Variants in STK10 observed in about 807,000 individuals in gnomAD.
STK10 encodes serine/threonine-protein kinase 10.
A neutral mutation model predicts 113.8 loss-of-function variants in STK10; 78 were observed. The observed-to-expected ratio is 0.69, with a 90% CI of 0.57 to 0.83. The LOEUF is 0.83. Among genes scored for constraint, STK10 ranks in the 40% least tolerant of loss-of-function variants. STK10 has a pLI of 0.00. For synonymous variants in STK10, 465 were observed against 494.7 expected, an observed-to-expected ratio of 0.94 and a Z score of 0.80; for missense variants, 1,109 against 1,280.1, an observed-to-expected ratio of 0.87 and a Z score of 2.04.
chr5:172,134,042 G>A (rs951509769), intron 2 of STK10, among the ~76,000 whole-genome samples: 1 of 152,208 alleles, frequency 6.6e-6, no homozygotes, highest in African/African-American at 2.4e-5. Flanking sequence ...GTGCTCAGAT[G>A]CTGCTGCTGT....
intron 2 of STK10, 119 bp downstream of exon 2, chr5:172,156,505 G>T: frequency 7.6e-7 from 1 of 1,312,556 alleles, no homozygotes; most frequent in Non-Finnish European, 1.0e-6. Context: ...CCATCTCCTT[G>T]CCCTAGCCCT....
At chr5:172,051,946 T>C (rs1767638884) in intron 18 of STK10, among the ~76,000 whole-genome samples, 1 of 152,058 alleles carries the variant, frequency 6.6e-6, no homozygotes. Context: ...AAGAAAGATG[T>C]GGGACTGAGC....
At chr5:172,148,923 C>T (rs770149169) in intron 2 of STK10, among the ~76,000 whole-genome samples, 3 of 152,222 alleles carry the variant, frequency 2.0e-5, no homozygotes, top group Non-Finnish European at 4.4e-5. Flanking sequence ...TGGTGGCTCA[C>T]GCCTATAATC....
At chr5:172,115,042 G>C (rs949215778) in intron 4 of STK10, 7 of 152,194 alleles carry the variant, frequency 4.6e-5, no homozygotes, top group African/African-American at 1.7e-4. Flanking sequence ...GGGCAGGGTA[G>C]GTAGACCGCA....
intron 18 of STK10, 100 bp from the exon 19 acceptor site, chr5:172,045,122 A>G: frequency 6.6e-7 from 1 of 1,513,732 alleles, no homozygotes; most frequent in African/African-American, 1.4e-5. Flanking sequence ...TCTCTGGAAC[A>G]TTCCCTTCCA....
At chr5:172,134,591 T>C (rs188762348) in intron 2 of STK10, among the ~76,000 whole-genome samples, 4 of 152,090 alleles carry the variant, frequency 2.6e-5, no homozygotes, top group Admixed American at 6.5e-5. Context: ...ACATTGAACA[T>C]ATTTGTGCAT....
At chr5:172,112,953 G>A (rs1769272743) in intron 4 of STK10, among the ~76,000 whole-genome samples, 1 of 151,156 alleles carries the variant, frequency 6.6e-6, no homozygotes, top group Non-Finnish European at 1.5e-5. Context: ...TCATCATGTT[G>A]GTCAGGCTGG....
rs1302011624 is a variant in STK10 at position 172,044,806 on chromosome 5, G to C, written c.*76C>G. The C allele has an allele frequency of 3.1e-6, 5 of 1,609,296 alleles. No homozygotes were observed. The South Asian group carries it at 4.4e-5, about 14-fold the overall frequency. The stretch of plus-strand genomic sequence containing the variant: ...AGACGCAAGAGGGAAAAGGGGTCCT[G>C]AGTTACATGTTCACAGAGAATGAAG... On this transcript the variant is annotated 3_prime_UTR_variant, in exon 19 of 19. Transcript: ENST00000176763. The surrounding 1 kb of genome is among the most constrained non-coding windows in gnomAD (Gnocchi z 4.5).
rs1182124529 is a variant in STK10 at position 172,082,226 on chromosome 5, C to G, written c.1989+100G>C. The G allele has an allele frequency of 1.5e-6, 2 of 1,351,516 alleles. No individual in the cohort carries two copies. 83.7% of individuals were successfully genotyped at this position (1,351,516 alleles called of 1,614,324 possible). Reference sequence around the variant, plus strand: ...CCTGCTCCCGAGCTCTTCAGCCGTACCCCTCTGCTGCCAAGGTGAGGTTGA... The same window carrying G: ...CCTGCTCCCGAGCTCTTCAGCCGTAGCCCTCTGCTGCCAAGGTGAGGTTGA... On this transcript the variant is annotated intron_variant, in intron 12 of 18. Transcript: ENST00000176763. This position sits in a 1 kb window ranked among gnomAD's most constrained non-coding sequence, Gnocchi z 4.3.
chr5:172,066,252 C>G (rs1375330042), intron 12 of STK10, among the ~76,000 whole-genome samples: 1 of 152,090 alleles, frequency 6.6e-6, no homozygotes, highest in African/African-American at 2.4e-5. Flanking sequence ...ACTCTGAAAA[C>G]CAAACAAAAG....
Position 172,076,157 on chromosome 5 carries a change from TGTTGTGGGGGCTGTCCTGTGCGTTA to T in STK10, c.1989+6144_1989+6168del, listed in dbSNP as rs1561796996. On this transcript the variant is annotated intron_variant, in intron 12 of 18. Coordinates refer to ENST00000176763, the MANE Select transcript of STK10 (RefSeq NM_005990.4). ...TGTTGTGGGGGCTGTCCTGTGCATT[TGTTGTGGGGGCTGTCCTGTGCGTTA>T]GTTGTGGGGGCTGTCCTGTGCATTT... 8.8e-4 allele frequency among the ~76,000 whole-genome samples: 125 copies of T among 141,590 alleles called. 16 individuals are homozygous for T. Among genetic ancestry groups the T allele is most frequent in the African/African-American group, 2.4e-3 (93 of 38,050 alleles). 92.9% of individuals were successfully genotyped at this position (141,590 alleles called of 152,430 possible).
intron 4 of STK10, among the ~76,000 whole-genome samples, chr5:172,110,229 G>C (rs3111481): frequency 6.6e-6 from 1 of 152,144 alleles, no homozygotes; most frequent in Non-Finnish European, 1.5e-5. Flanking sequence ...AGACAGGACC[G>C]GGGCTACTCA....
chr5:172,083,662 C>G (rs1768483367), intron 10 of STK10, among the ~76,000 whole-genome samples: 1 of 152,108 alleles, frequency 6.6e-6, no homozygotes, highest in Non-Finnish European at 1.5e-5. Context: ...AATTCCAGCA[C>G]TTTGGGAGGC....
Position 172,105,636 on chromosome 5 carries a change from T to C in STK10, c.870+20A>G, listed in dbSNP as rs746371940. 3 of 1,612,680 alleles carry C rather than the reference T, an allele frequency of 1.9e-6. No individual in the cohort carries two copies. Among genetic ancestry groups the C allele is most frequent in the Non-Finnish European group, 1.7e-6 (2 of 1,179,276 alleles). On this transcript the variant is annotated intron_variant, in intron 7 of 18. Coordinates refer to ENST00000176763, the MANE Select transcript of STK10 (RefSeq NM_005990.4). ...AGGCTCCACCCTTCAGGGAGCAGAG[T>C]GGGAGGGGAATCCACTCACCTCCAG... is the stretch of plus-strand genomic sequence containing the variant.
chr5:172,116,607 C>T (rs1180559811), intron 4 of STK10, among the ~76,000 whole-genome samples: 2 of 152,076 alleles, frequency 1.3e-5, no homozygotes, highest in Non-Finnish European at 2.9e-5. Context: ...GTGGTTCACA[C>T]CTGTAATCCC....
chr5:172,186,278 AAAAAAT>A (rs1194842576), intron 1 of STK10, among the ~76,000 whole-genome samples: 1 of 151,924 alleles, frequency 6.6e-6, no homozygotes, highest in African/African-American at 2.4e-5. Context: ...TCCGTCTCAC[AAAAAAT>A]AAAAATAAAA....
chr5:172,157,034 C>A (rs1420697896), intron 1 of STK10, among the ~76,000 whole-genome samples: 2 of 152,132 alleles, frequency 1.3e-5, no homozygotes, highest in African/African-American at 4.8e-5. Context: ...CAAATACCAA[C>A]ATGGAAAGAC....
chr5:172,048,410 T>A (rs1471929411), intron 18 of STK10, among the ~76,000 whole-genome samples: 3 of 44,984 alleles, frequency 6.7e-5, no homozygotes, highest in South Asian at 4.6e-4. Flanking sequence ...CCTCTCCCTC[T>A]CCCTACACAC....
At position 172,082,646 on chromosome 5, in the gene STK10, AC is replaced by A. The variant is rs1768459623; in HGVS notation, c.1810-142del. ...AGCTCTACTACCCCGTTGCTGTGTG[AC>A]CTGGGGCAAGTTACTTAGCCTGAGT... On this transcript the variant is annotated intron_variant, in intron 11 of 18. Transcript: ENST00000176763. The surrounding 1 kb of genome is among the most constrained non-coding windows in gnomAD (Gnocchi z 4.3). 8.8e-7 allele frequency: 1 copy of A among 1,140,682 alleles called. No individual in the cohort carries two copies. The highest frequency in any genetic ancestry group is 1.7e-5 in the South Asian group (1 of 59,692). The allele number at this position is 1,140,682 out of a possible 1,614,324, so 70.7% of individuals were successfully genotyped here.
Sources: allele counts gnomAD v4.1 joint callset (sites outside exome capture counted in the v4.1 genomes callset), GRCh38; gene constraint gnomAD v4.1.1; non-coding constraint Gnocchi (gnomAD v3.1); transcripts MANE v1.5; gene names NCBI Gene and HGNC (gene_info 2026-07-23, HGNC 2026-07-21).